LIN52: variants seen among roughly 807,000 people sequenced by gnomAD.
LIN52 encodes the protein lin-52 DREAM MuvB core complex component.
A neutral mutation model predicts 18.5 loss-of-function variants in LIN52; 4 were observed. That is an observed-to-expected ratio of 0.22 (90% CI 0.11 to 0.49). The LOEUF (loss-of-function observed/expected upper bound fraction) is 0.49, where lower values mean the gene tolerates loss of function less well. Ranked by LOEUF, LIN52 falls within the 20% of genes least tolerant of loss-of-function variation. The probability of loss-of-function intolerance (pLI) is 0.97; values close to 1 mark genes in which losing one functional copy is unlikely to be tolerated. For synonymous variants in LIN52, 34 were observed against 45.5 expected (o/e 0.75, Z 1.02); for missense variants, 102 against 139.5 (o/e 0.73, Z 1.35).
At position 74,199,767 on chromosome 14, in the gene LIN52, T is replaced by C. The variant is rs2078935580; in HGVS notation, c.*790T>C. 6.6e-6 allele frequency: 1 copy of C among 152,188 alleles called. No homozygotes were observed. The highest frequency in any genetic ancestry group is 2.1e-4 in the South Asian group (1 of 4,830). The allele number at this position is 152,188 out of a possible 1,614,324, so 9.4% of individuals were successfully genotyped here. A position where few individuals can be genotyped will look rare whatever the true frequency, so the allele number is the denominator to read the frequency against. On this transcript the variant is annotated 3_prime_UTR_variant, in exon 6 of 6. Coordinates refer to ENST00000555028, the MANE Select transcript of LIN52 (RefSeq NM_001024674.3). ...TTACAGCTTCAAGCAAGAAAGTCAG[T>C]ATAGCCTGAAAGACAAGAGAAACGG...
intron 5 of LIN52, among the ~76,000 whole-genome samples, chr14:74,146,755 T>TTA (rs1281475598): frequency 2.0e-5 from 3 of 152,090 alleles, no homozygotes; most frequent in Non-Finnish European, 4.4e-5. Flanking sequence ...GTTGAAGGAC[T>TTA]TACACTTCCC....
chr14:74,087,009 T>A (rs1267592332), intron 1 of LIN52, among the ~76,000 whole-genome samples: 2 of 152,240 alleles, frequency 1.3e-5, no homozygotes, highest in African/African-American at 4.8e-5. Context: ...AGTTTATTTT[T>A]AAATTGTTTT....
intron 5 of LIN52, among the ~76,000 whole-genome samples, chr14:74,185,093 C>G (rs1022789734): frequency 1.3e-5 from 2 of 151,832 alleles, no homozygotes; most frequent in African/African-American, 4.8e-5. Context: ...TCCAAGGAAC[C>G]CTGGTTTCTT....
chr14:74,106,461 G>A (rs565723330), intron 5 of LIN52, among the ~76,000 whole-genome samples: 1 of 152,110 alleles, frequency 6.6e-6, no homozygotes, highest in Non-Finnish European at 1.5e-5. Flanking sequence ...TTGTAGAGAC[G>A]AGGTCTCACT....
intron 5 of LIN52, among the ~76,000 whole-genome samples, chr14:74,128,827 C>G (rs1215108973): frequency 6.6e-6 from 1 of 152,060 alleles, no homozygotes; most frequent in Non-Finnish European, 1.5e-5. Flanking sequence ...GCCTGTAATC[C>G]CAGCTACTCA....
rs2078940055 is a variant in LIN52 at position 74,200,348 on chromosome 14, G to A, written c.*1371G>A. 7.0e-6 allele frequency: 1 copy of A among 143,856 alleles called. No homozygotes were observed. Among genetic ancestry groups the A allele is most frequent in the African/African-American group, 2.6e-5 (1 of 39,136 alleles). The allele number at this position is 143,856 out of a possible 1,614,324, so 8.9% of individuals were successfully genotyped here. On this transcript the variant is annotated 3_prime_UTR_variant, in exon 6 of 6. Transcript: ENST00000555028. ...GAATCGCTTGAATTCGGGAGGTGGAGGTTGCAGTGAGCCGAAATTATGCCA... is the reference window on the plus strand; with the variant it reads ...GAATCGCTTGAATTCGGGAGGTGGAAGTTGCAGTGAGCCGAAATTATGCCA...
At chr14:74,178,725 G>T (rs955262015) in intron 5 of LIN52, among the ~76,000 whole-genome samples, 1 of 151,746 alleles carries the variant, frequency 6.6e-6, no homozygotes, top group Non-Finnish European at 1.5e-5. Flanking sequence ...CTCCCAAAGT[G>T]CTGGGATTAC....
In LIN52 at chr14:74,146,932, G is replaced by A. The variant is rs547639681; in HGVS notation, c.283+45694G>A. Reference sequence around the variant, plus strand: ...ACCAAGATCATTCAATGGGGGAAAAGTAGTCTCTTTCAACAACTGGTGCTG... The same window carrying A: ...ACCAAGATCATTCAATGGGGGAAAAATAGTCTCTTTCAACAACTGGTGCTG... On this transcript the variant is annotated intron_variant, in intron 5 of 5. Coordinates refer to ENST00000555028, the MANE Select transcript of LIN52 (RefSeq NM_001024674.3). Among the ~76,000 whole-genome samples the A allele has an allele frequency of 8.5e-5, 13 of 152,252 alleles. 1 individual carries two copies. The highest frequency in any genetic ancestry group is 3.1e-4 in the African/African-American group (13 of 41,558).
intron 5 of LIN52, among the ~76,000 whole-genome samples, chr14:74,135,143 C>T (rs2061090367): frequency 2.6e-5 from 4 of 152,140 alleles, no homozygotes; most frequent in Admixed American, 6.5e-5. Context: ...CTGCTCACTA[C>T]GATCTCCGCT....
intron 5 of LIN52, chr14:74,192,701 G>T: frequency 3.8e-6 from 1 of 265,714 alleles, no homozygotes; most frequent in Non-Finnish European, 7.3e-6. Context: ...GTGAACAACA[G>T]TATATCAATG....
At chr14:74,131,957 G>T (rs8022040) in intron 5 of LIN52, among the ~76,000 whole-genome samples, 2 of 152,140 alleles carry the variant, frequency 1.3e-5, no homozygotes, top group Non-Finnish European at 1.5e-5. Context: ...GAAACAGAGG[G>T]CTAAAGATCT....
intron 5 of LIN52, among the ~76,000 whole-genome samples, chr14:74,117,640 C>T (rs1214312337): frequency 6.6e-6 from 1 of 151,980 alleles, no homozygotes; most frequent in African/African-American, 2.4e-5. Flanking sequence ...TTTCTGCTTT[C>T]GTTTGTTTTT....
chr14:74,113,246 G>A (rs2060940931), intron 5 of LIN52, among the ~76,000 whole-genome samples: 1 of 152,110 alleles, frequency 6.6e-6, no homozygotes, highest in Non-Finnish European at 1.5e-5. Flanking sequence ...ACACAAATTA[G>A]CCAGGCGTGG....
chr14:74,192,756 A>G, intron 5 of LIN52: 1 of 265,332 alleles, frequency 3.8e-6, no homozygotes, highest in Non-Finnish European at 7.4e-6. Context: ...TTAATGAGAC[A>G]GACACACCTG....
chr14:74,100,140 CTTACAA>C (rs994872002), intron 4 of LIN52, among the ~76,000 whole-genome samples: 9 of 152,132 alleles, frequency 5.9e-5, no homozygotes, highest in African/African-American at 2.2e-4. Flanking sequence ...ATAATGTGGA[CTTACAA>C]TTAACAGTGG....
chr14:74,130,202 CCT>C (rs2061053144), intron 5 of LIN52, among the ~76,000 whole-genome samples: 2 of 149,706 alleles, frequency 1.3e-5, no homozygotes, highest in Admixed American at 1.3e-4. Context: ...ACCATATCAC[CCT>C]GTCTCAAAAA....
chr14:74,182,990 T>G (rs1026546601), intron 5 of LIN52, among the ~76,000 whole-genome samples: 10 of 152,208 alleles, frequency 6.6e-5, no homozygotes, highest in African/African-American at 2.4e-4. Flanking sequence ...TTAAAAAATA[T>G]GTAATCTGTG....
chr14:74,102,686 G>C (rs1278565625), intron 5 of LIN52, among the ~76,000 whole-genome samples: 1 of 152,068 alleles, frequency 6.6e-6, no homozygotes, highest in Non-Finnish European at 1.5e-5. Flanking sequence ...TGTGATCAAG[G>C]CTTTATCTCT....
intron 5 of LIN52, among the ~76,000 whole-genome samples, chr14:74,134,191 A>G (rs2061084659): frequency 6.6e-6 from 1 of 152,124 alleles, no homozygotes; most frequent in South Asian, 2.1e-4. Context: ...TGTGAATCGG[A>G]GTGGAGAGAG....
Sources: gnomAD v4.1 joint callset for allele counts (sites outside exome capture counted in the v4.1 genomes callset) on GRCh38, gnomAD v4.1.1 for gene constraint, MANE v1.5 for transcripts, NCBI Gene and HGNC (gene_info 2026-07-23, HGNC 2026-07-21) for gene names.